The following HEMK1 variants were observed in gnomAD, a reference collection of about 807,000 sequenced individuals.
The protein encoded by HEMK1 is HemK methyltransferase 1, mitochondrial release factors N(5)-glutamine.
Under a neutral mutation model 47.9 loss-of-function variants are expected in HEMK1, and 36 were observed. The observed-to-expected ratio is 0.75, with a 90% CI of 0.58 to 0.99. The LOEUF is 0.99. Among genes scored for constraint, HEMK1 ranks in the 50% least tolerant of loss-of-function variants. The probability of loss-of-function intolerance (pLI) is 0.00; values close to 1 mark genes in which losing one functional copy is unlikely to be tolerated. For synonymous variants in HEMK1, 153 were observed against 165.4 expected (o/e 0.93, Z 0.57); for missense variants, 383 against 434.5 (o/e 0.88, Z 1.05).
chr3:50,576,579 T>A (rs1701615822), intron 4 of HEMK1, among the ~76,000 whole-genome samples: 2 of 152,152 alleles, frequency 1.3e-5, no homozygotes, highest in African/African-American at 4.8e-5. Context: ...CTGGCAAATT[T>A]TCACACCTTT....
chr3:50,578,013 T>A lies in HEMK1; in HGVS notation c.664+138T>A, dbSNP rs895331839. The stretch of plus-strand genomic sequence containing the variant: ...CACACAACACACACACATACACGTG[T>A]GTGTGTGCACGTTTGTGGCAGCTCA... On this transcript the variant is annotated intron_variant, in intron 7 of 10. Coordinates refer to ENST00000232854, the MANE Select transcript of HEMK1 (RefSeq NM_016173.5). 7 of 810,018 alleles carry A rather than the reference T, an allele frequency of 8.6e-6. No individual in the cohort carries two copies. In the African/African-American group the frequency reaches 1.2e-4, roughly 14 times the overall value. 50.2% of individuals were successfully genotyped at this position (810,018 alleles called of 1,614,324 possible).
rs1482049587 is a variant in HEMK1, at chr3:50,587,653, T to C, written c.*7236T>C. The C allele has an allele frequency of 6.6e-6, 1 of 152,282 alleles. No individual in the cohort carries two copies. Among genetic ancestry groups the C allele is most frequent in the African/African-American group, 2.4e-5 (1 of 41,456 alleles). 9.4% of individuals were successfully genotyped at this position (152,282 alleles called of 1,614,324 possible). A position where few individuals can be genotyped will look rare whatever the true frequency, so the allele number is the denominator to read the frequency against. On this transcript the variant is annotated 3_prime_UTR_variant, in exon 11 of 11. Transcript: ENST00000232854. The surrounding 1 kb of genome is among the most constrained non-coding windows in gnomAD (Gnocchi z 4.2). ...GACAGTCTGGACAAAAGCCTGGAGT[T>C]CTGCAGACATGCGGGTAGGGATATG...
rs908456134 is a variant in HEMK1, at chr3:50,571,093, T to C, written c.-12T>C. 2 of 1,570,950 alleles carry C rather than the reference T, an allele frequency of 1.3e-6. No individual in the cohort carries two copies. The highest frequency in any genetic ancestry group is 4.5e-5 in the East Asian group (2 of 44,278). ...GAACCTGGAAGCACTCTGGAGAACC[T>C]TTCCCTGAGACATGGAGCTTTGGGG... is the stretch of plus-strand genomic sequence containing the variant. On this transcript the variant is annotated 5_prime_UTR_variant, in exon 2 of 11. Coordinates refer to ENST00000232854, the MANE Select transcript of HEMK1 (RefSeq NM_016173.5).
At chr3:50,575,407 A>G (rs993305337) in intron 4 of HEMK1, among the ~76,000 whole-genome samples, 4 of 151,530 alleles carry the variant, frequency 2.6e-5, no homozygotes, top group Non-Finnish European at 4.4e-5. Flanking sequence ...TGGGCAACAG[A>G]GCGAAACTCT....
upstream of HEMK1, chr3:50,569,254 A>AT (rs1700608759): frequency 6.6e-6 from 1 of 152,340 alleles, no homozygotes; most frequent in Non-Finnish European, 1.5e-5. Context: ...CCCTGCTGTG[A>AT]TTTTAAGGAA....
Position 50,580,687 on chromosome 3 carries a change from A to G in HEMK1, c.*270A>G. 3.7e-6 allele frequency: 2 copies of G among 536,386 alleles called. No homozygotes were observed. Among genetic ancestry groups the G allele is most frequent in the Non-Finnish European group, 6.6e-6 (2 of 300,922 alleles). The allele number at this position is 536,386 out of a possible 1,614,324, so 33.2% of individuals were successfully genotyped here. On this transcript the variant is annotated 3_prime_UTR_variant, in exon 11 of 11. Coordinates refer to ENST00000232854, the MANE Select transcript of HEMK1 (RefSeq NM_016173.5). ...TGAGAGACTAACAAATGGTGACCTA[A>G]TGTTTTGTCCATGACTTGCAGGTCC... is the stretch of plus-strand genomic sequence containing the variant.
rs2031686527 is a variant in HEMK1, at chr3:50,590,877, G to C, written c.*10460G>C. 6.6e-6 allele frequency: 1 copy of C among 152,210 alleles called. No homozygotes were observed. The highest frequency in any genetic ancestry group is 1.5e-5 in the Non-Finnish European group (1 of 68,054). 9.4% of individuals were successfully genotyped at this position (152,210 alleles called of 1,614,324 possible). A position where few individuals can be genotyped will look rare whatever the true frequency, so the allele number is the denominator to read the frequency against. On this transcript the variant is annotated 3_prime_UTR_variant, in exon 11 of 11. Transcript: ENST00000232854. ...AAGGGTGGAAAGACTGGGGGACCCT[G>C]TGCCCCTGAAAGCCCAGAGTTTCAC...
chr3:50,586,991 A>T lies in HEMK1; in HGVS notation c.*6574A>T, dbSNP rs1246880791. 1 of 151,664 alleles carries T rather than the reference A, an allele frequency of 6.6e-6. No individual in the cohort carries two copies. The highest frequency in any genetic ancestry group is 1.9e-4 in the East Asian group (1 of 5,192). 9.4% of individuals were successfully genotyped at this position (151,664 alleles called of 1,614,324 possible). ...AGAAACGGGGTCTTGCTATGTTGCC[A>T]GGGCTGGCACATGGGGTTTTTAGTT... On this transcript the variant is annotated 3_prime_UTR_variant, in exon 11 of 11. Coordinates refer to ENST00000232854, the MANE Select transcript of HEMK1 (RefSeq NM_016173.5).
Position 50,583,116 on chromosome 3 carries a change from T to C in HEMK1, c.*2699T>C, listed in dbSNP as rs964427527. 6.6e-6 allele frequency: 1 copy of C among 152,308 alleles called. No homozygotes were observed. Among genetic ancestry groups the C allele is most frequent in the African/African-American group, 2.4e-5 (1 of 41,454 alleles). 9.4% of individuals were successfully genotyped at this position (152,308 alleles called of 1,614,324 possible). A position where few individuals can be genotyped will look rare whatever the true frequency, so the allele number is the denominator to read the frequency against. ...CCTCCTTCAGCCAGAGCCCAGAGCA[T>C]AGACAGGAGTGTAGGAGTCCCTGTT... is the stretch of plus-strand genomic sequence containing the variant. On this transcript the variant is annotated 3_prime_UTR_variant, in exon 11 of 11. Coordinates refer to ENST00000232854, the MANE Select transcript of HEMK1 (RefSeq NM_016173.5).
intron 4 of HEMK1, among the ~76,000 whole-genome samples, chr3:50,572,896 G>A (rs759193624): frequency 5.9e-5 from 9 of 152,206 alleles, no homozygotes; most frequent in African/African-American, 1.4e-4. Flanking sequence ...GCCAGAGGGC[G>A]CAGACCAGGG....
upstream of HEMK1, chr3:50,569,310 C>CG (rs1700613366): frequency 6.6e-6 from 1 of 152,366 alleles, no homozygotes; most frequent in African/African-American, 2.4e-5. Context: ...CACACATCCC[C>CG]GCACTTTCCT....
chr3:50,571,779 C>G lies in HEMK1; in HGVS notation c.298C>G (p.Leu100Val). 4 of 1,614,160 alleles carry G rather than the reference C, an allele frequency of 2.5e-6. No individual in the cohort carries two copies. The Admixed American group carries it at 6.7e-5, about 27-fold the overall frequency. The stretch of plus-strand genomic sequence containing the variant: ...TCAGCAACTACAGTGTATCCGGGAG[C>G]TGAGTAGCCGTCGATTGCAGAGGTG... ...TSQQLQCIRE[L>V]SSRRLQRMPV... Residue 100 changes from leucine to valine, a missense_variant, in exon 3 of 11, where the codon CTG becomes GTG. Coordinates refer to ENST00000232854, the MANE Select transcript of HEMK1 (RefSeq NM_016173.5).
rs943708531 is a variant in HEMK1, at chr3:50,578,999, C to T, written c.770+73C>T. On this transcript the variant is annotated intron_variant, in intron 8 of 10. Transcript: ENST00000232854. ...GGGATTAGTCTGCCCTCGAGGACCACACCATCTGGAGGGACAGGGGAGTTG... is the reference window on the plus strand; with the variant it reads ...GGGATTAGTCTGCCCTCGAGGACCATACCATCTGGAGGGACAGGGGAGTTG... 3 of 1,130,864 alleles carry T rather than the reference C, an allele frequency of 2.7e-6. No homozygotes were observed. In the South Asian group the frequency reaches 4.0e-5, roughly 15 times the overall value. The allele number at this position is 1,130,864 out of a possible 1,614,324, so 70.1% of individuals were successfully genotyped here.
In HEMK1 at chr3:50,571,027, C is replaced by T. The variant is rs1488039515; in HGVS notation, c.-78C>T. The T allele has an allele frequency of 8.5e-7, 1 of 1,172,092 alleles. No individual in the cohort carries two copies. Among genetic ancestry groups the T allele is most frequent in the East Asian group, 2.5e-5 (1 of 40,432 alleles). The allele number at this position is 1,172,092 out of a possible 1,614,324, so 72.6% of individuals were successfully genotyped here. On this transcript the variant is annotated 5_prime_UTR_variant, in exon 2 of 11. Transcript: ENST00000232854. ...CCCAGCTGGGTCCAGGGGCCACTCT[C>T]AGCACTCACCTCAGCAGCTGACATC...
chr3:50,581,109 C>T lies in HEMK1; in HGVS notation c.*692C>T, dbSNP rs185015346. ...AGTGAGGGGTGTTTCCTTTTTATCC[C>T]CATAGCTTTTAGCTAAAACATCCCT... On this transcript the variant is annotated 3_prime_UTR_variant, in exon 11 of 11. Coordinates refer to ENST00000232854, the MANE Select transcript of HEMK1 (RefSeq NM_016173.5). The T allele has an allele frequency of 1.1e-4, 17 of 152,464 alleles. No homozygotes were observed. The East Asian group carries it at 3.3e-3, about 29-fold the overall frequency. The allele number at this position is 152,464 out of a possible 1,614,324, so 9.4% of individuals were successfully genotyped here. A position where few individuals can be genotyped will look rare whatever the true frequency, so the allele number is the denominator to read the frequency against.
At chr3:50,570,532 A>C (rs1056505434) in intron 1 of HEMK1, 2 of 152,298 alleles carry the variant, frequency 1.3e-5, no homozygotes, top group African/African-American at 2.4e-5. Context: ...GCTGCCTCCC[A>C]GGCCTTGGAT....
At position 50,589,114 on chromosome 3, in the gene HEMK1, C is replaced by G. The variant is rs1163428625; in HGVS notation, c.*8697C>G. On this transcript the variant is annotated 3_prime_UTR_variant, in exon 11 of 11. Transcript: ENST00000232854. ...CCATCAGGGCGAAGAGCAATGAACA[C>G]AAATGTTTGAACTGGGGGCTGGGAT... The G allele has an allele frequency of 1.3e-5, 2 of 152,256 alleles. No homozygotes were observed. The allele number at this position is 152,256 out of a possible 1,614,324, so 9.4% of individuals were successfully genotyped here. A position where few individuals can be genotyped will look rare whatever the true frequency, so the allele number is the denominator to read the frequency against.
chr3:50,577,162 C>T lies in HEMK1; in HGVS notation c.525C>T (p.Leu175=). ...GCTGCGGATCAGGAGCCATCTCCCT[C>T]AGCCTGCTGAGCCAGCTCCCCCAGG... ...EVGCGSGAIS[L]SLLSQLPQSR... The change falls in exon 5 of 11, where the codon CTC becomes CTT. Residue 175 remains leucine (L), a synonymous_variant. Coordinates refer to ENST00000232854, the MANE Select transcript of HEMK1 (RefSeq NM_016173.5). 6.2e-7 allele frequency: 1 copy of T among 1,612,058 alleles called. No homozygotes were observed. Among genetic ancestry groups the T allele is most frequent in the Non-Finnish European group, 8.5e-7 (1 of 1,179,486 alleles).
rs1286680709 is a variant in HEMK1, at chr3:50,590,806, A to G, written c.*10389A>G. The G allele has an allele frequency of 6.6e-6, 1 of 152,200 alleles. No homozygotes were observed. The highest frequency in any genetic ancestry group is 2.4e-5 in the African/African-American group (1 of 41,452). 9.4% of individuals were successfully genotyped at this position (152,200 alleles called of 1,614,324 possible). A position where few individuals can be genotyped will look rare whatever the true frequency, so the allele number is the denominator to read the frequency against. Reference sequence around the variant, plus strand: ...GTGTGGTTGCCCCAAGTACTCCATGAGTAGACATGGGCTAGGGACTTACCC... The same window carrying G: ...GTGTGGTTGCCCCAAGTACTCCATGGGTAGACATGGGCTAGGGACTTACCC... On this transcript the variant is annotated 3_prime_UTR_variant, in exon 11 of 11. Coordinates refer to ENST00000232854, the MANE Select transcript of HEMK1 (RefSeq NM_016173.5).
Sources: allele counts gnomAD v4.1 joint callset (sites outside exome capture counted in the v4.1 genomes callset), GRCh38; gene constraint gnomAD v4.1.1; non-coding constraint Gnocchi (gnomAD v3.1); transcripts MANE v1.5; gene names NCBI Gene and HGNC (gene_info 2026-07-23, HGNC 2026-07-21).